Variants in PPIL2 observed in about 807,000 individuals in gnomAD.
The protein encoded by PPIL2 is peptidylprolyl isomerase like 2, also known as RING-type E3 ubiquitin-protein ligase PPIL2.
Under a neutral mutation model 75.2 loss-of-function variants are expected in PPIL2, and 50 were observed. The ratio of observed to expected loss-of-function variants is 0.66; its 90% confidence interval spans 0.53 to 0.84. PPIL2 has a LOEUF of 0.84. Among genes scored for constraint, PPIL2 ranks in the 40% least tolerant of loss-of-function variants. The pLI is 0.00. For synonymous variants in PPIL2, 245 were observed against 258.8 expected (o/e 0.95, Z 0.51); for missense variants, 590 against 685.0 (o/e 0.86, Z 1.55).
intron 6 of PPIL2, among the ~76,000 whole-genome samples, chr22:21,680,385 T>C (rs2067061284): frequency 6.6e-6 from 1 of 152,058 alleles, no homozygotes; most frequent in Non-Finnish European, 1.5e-5. Context: ...AAATTAGTCG[T>C]ACATGGTGAC....
chr22:21,687,017 C>G lies in PPIL2; in HGVS notation c.897+19C>G. 1.9e-6 allele frequency: 3 copies of G among 1,603,942 alleles called. No homozygotes were observed. Among genetic ancestry groups the G allele is most frequent in the Non-Finnish European group, 2.6e-6 (3 of 1,171,528 alleles). On this transcript the variant is annotated intron_variant, in intron 12 of 19. Transcript: ENST00000398831. ...CGACCTGGTGGGTGTGGAGGCCAGC[C>G]ACTCCCCATGCCCCAAGGTCATCTC...
At position 21,695,529 on chromosome 22, in the gene PPIL2, G is replaced by T; in HGVS notation, c.*39G>T. 2.6e-6 allele frequency: 4 copies of T among 1,563,416 alleles called. No individual in the cohort carries two copies. Among genetic ancestry groups the T allele is most frequent in the Non-Finnish European group, 3.5e-6 (4 of 1,153,406 alleles). ...GCTGTGGACCTTGGTGGGGTTGCAG[G>T]GCTGGGGGCCCATGTCCACATCTCC... On this transcript the variant is annotated 3_prime_UTR_variant, in exon 20 of 20. Coordinates refer to ENST00000398831, the MANE Select transcript of PPIL2 (RefSeq NM_014337.4).
At chr22:21,692,219 G>A (rs546841286) in intron 15 of PPIL2, among the ~76,000 whole-genome samples, 71 of 151,504 alleles carry the variant, frequency 4.7e-4, no homozygotes, top group East Asian at 1.4e-3. Context: ...GCAGCGGCGC[G>A]ATCTCGGCTC....
At chr22:21,694,017 G>A in intron 16 of PPIL2, 145 bp downstream of exon 16, 1 of 923,116 alleles carries the variant, frequency 1.1e-6, no homozygotes, top group Non-Finnish European at 1.7e-6. Context: ...GCTATGCAGA[G>A]CTGCGATGGA....
Position 21,696,769 on chromosome 22 carries a change from C to CCCTT in PPIL2, c.*1284_*1287dup, listed in dbSNP as rs1436915634. On this transcript the variant is annotated 3_prime_UTR_variant, in exon 20 of 20. Transcript: ENST00000398831. ...CAGCAACTTGCAGGCTGTACCTCTG[C>CCCTT]CCTTCCTTTTCTCATCAATCACTGA... 6.5e-7 allele frequency: 1 copy of CCCTT among 1,545,196 alleles called. No individual in the cohort carries two copies.
chr22:21,682,816 C>T (rs185359601), intron 8 of PPIL2, among the ~76,000 whole-genome samples: 3 of 152,360 alleles, frequency 2.0e-5, no homozygotes, highest in African/African-American at 4.8e-5. Flanking sequence ...CTGGCTGGAG[C>T]GTGGCCTGCT....
chr22:21,685,687 G>A (rs2067329025), intron 10 of PPIL2: 1 of 453,208 alleles, frequency 2.2e-6, no homozygotes, highest in Non-Finnish European at 4.4e-6. Context: ...CTTCAAGTGA[G>A]AGCCTCCTGC....
In PPIL2 at chr22:21,676,756, T is replaced by G. The variant is rs1036023895; in HGVS notation, c.295+1641T>G. Among the ~76,000 whole-genome samples, 3 of 152,358 alleles carry G rather than the reference T, an allele frequency of 2.0e-5. No homozygotes were observed. In the South Asian group the frequency reaches 6.2e-4, roughly 32 times the overall value. Reference sequence around the variant, plus strand: ...CAAAATGGAGTCTCCTATGTCTACTTGTTTCTACACAGACACAGCAACAAT... The same window carrying G: ...CAAAATGGAGTCTCCTATGTCTACTGGTTTCTACACAGACACAGCAACAAT... On this transcript the variant is annotated intron_variant, in intron 6 of 19. Coordinates refer to ENST00000398831, the MANE Select transcript of PPIL2 (RefSeq NM_014337.4).
At chr22:21,682,409 T>A in intron 7 of PPIL2, 28 bp from the exon 8 acceptor site, 1 of 1,596,296 alleles carries the variant, frequency 6.3e-7, no homozygotes. Context: ...GGGGCAGGCA[T>A]CGTAAAACCA....
At chr22:21,692,308 A>G (rs1376788684) in intron 15 of PPIL2, among the ~76,000 whole-genome samples, 1 of 151,688 alleles carries the variant, frequency 6.6e-6, no homozygotes, top group Admixed American at 6.6e-5. Flanking sequence ...GGCGCCCGCC[A>G]CACGCCTGGC....
chr22:21,681,351 C>G lies in PPIL2; in HGVS notation c.348C>G (p.Ile116Met), dbSNP rs369102532. Residue 116 changes from isoleucine to methionine, a missense_variant, in exon 7 of 20, where the codon ATC becomes ATG. Physicochemically the swap from Ile to Met is conservative, Grantham distance 10. Coordinates refer to ENST00000398831, the MANE Select transcript of PPIL2 (RefSeq NM_014337.4). The part of the protein sequence containing the change: ...LFTVFTNNTH[I>M]VAVRTTGNVY... The stretch of plus-strand genomic sequence containing the variant: ...CCGTGTTCACCAACAACACCCACAT[C>G]GTGGCTGTGAGGACGACCGGCAACG... 1.2e-6 allele frequency: 2 copies of G among 1,614,186 alleles called. No individual in the cohort carries two copies. The highest frequency in any genetic ancestry group is 1.1e-5 in the South Asian group (1 of 91,088).
rs1351376076 is a variant in PPIL2 at position 21,696,910 on chromosome 22, G to A, written c.*1420G>A. 3 of 1,593,694 alleles carry A rather than the reference G, an allele frequency of 1.9e-6. No homozygotes were observed. Among genetic ancestry groups the A allele is most frequent in the African/African-American group, 1.3e-5 (1 of 74,432 alleles). The stretch of plus-strand genomic sequence containing the variant: ...GCTGCCTGATGACCACTAGAGGTAT[G>A]TCTGCCCCTCGTCACCCTGCTGCAC... On this transcript the variant is annotated 3_prime_UTR_variant, in exon 20 of 20. Transcript: ENST00000398831.
intron 15 of PPIL2, 131 bp downstream of exon 15, chr22:21,688,980 C>G: frequency 1.2e-6 from 1 of 861,576 alleles, no homozygotes; most frequent in Non-Finnish European, 1.8e-6. Flanking sequence ...CACACCTAGG[C>G]CAAGCATGTG....
At chr22:21,673,124 G>A (rs977811222) in intron 5 of PPIL2, among the ~76,000 whole-genome samples, 1 of 152,218 alleles carries the variant, frequency 6.6e-6, no homozygotes, top group Non-Finnish European at 1.5e-5. Context: ...ACTAAAGCCC[G>A]TGGCTTTTCT....
chr22:21,689,933 C>T (rs1205795861), intron 15 of PPIL2, among the ~76,000 whole-genome samples: 1 of 152,220 alleles, frequency 6.6e-6, no homozygotes, highest in Non-Finnish European at 1.5e-5. Flanking sequence ...GGGGTGAACC[C>T]TGGCCTGTCG....
At chr22:21,698,125 G>C (rs1041507285), downstream of PPIL2, 11 of 152,158 alleles carry the variant, frequency 7.2e-5, no homozygotes, top group Admixed American at 5.2e-4. Context: ...AATTTAAGAG[G>C]GTGGTGGATA....
chr22:21,687,441 T>C (rs781364138), intron 12 of PPIL2, among the ~76,000 whole-genome samples: 1 of 150,902 alleles, frequency 6.6e-6, no homozygotes, highest in African/African-American at 2.4e-5. Context: ...TAGTCCTGGC[T>C]ACTCGGGAGG....
At chr22:21,692,769 C>CA (rs2067728764) in intron 15 of PPIL2, among the ~76,000 whole-genome samples, 2 of 151,104 alleles carry the variant, frequency 1.3e-5, no homozygotes, top group Admixed American at 6.6e-5. Flanking sequence ...ACTAAAAATG[C>CA]AAAAAAATTA....
At position 21,693,822 on chromosome 22, in the gene PPIL2, C is replaced by T. The variant is rs941221423; in HGVS notation, c.1146C>T (p.Ile382=). ...ATCCAGCCCTCCTCCCCAGCTTCAT[C>T]ACGTTTCGCTCCTGTGCCTACCTGG... ...GPNSNRSQFF[I]TFRSCAYLDK... Residue 382 remains isoleucine, a synonymous_variant, in exon 16 of 20, where the codon ATC becomes ATT. Coordinates refer to ENST00000398831, the MANE Select transcript of PPIL2 (RefSeq NM_014337.4). 2 of 1,540,632 alleles carry T rather than the reference C, an allele frequency of 1.3e-6. No individual in the cohort carries two copies. Among genetic ancestry groups the T allele is most frequent in the Non-Finnish European group, 1.8e-6 (2 of 1,113,148 alleles).
Sources: allele counts gnomAD v4.1 joint callset (sites outside exome capture counted in the v4.1 genomes callset), GRCh38; gene constraint gnomAD v4.1.1; transcripts MANE v1.5; gene names NCBI Gene and HGNC (gene_info 2026-07-23, HGNC 2026-07-21).